SLC24A2: variants seen among roughly 807,000 people sequenced by gnomAD.
The protein encoded by SLC24A2 is solute carrier family 24 member 2.
In SLC24A2, 36 loss-of-function variants were observed where a neutral mutation model predicts 62.0. That is an observed-to-expected ratio of 0.58 (90% CI 0.44 to 0.77). SLC24A2 has a LOEUF of 0.77. Ranked by LOEUF, SLC24A2 falls within the 30% of genes least tolerant of loss-of-function variation. The pLI, the probability that SLC24A2 is intolerant of heterozygous loss-of-function variation, is 0.00. For missense variants in SLC24A2, 846 were observed against 817.9 expected, an observed-to-expected ratio of 1.03 and a Z score of -0.42; for synonymous variants, 358 against 294.0, an observed-to-expected ratio of 1.22 and a Z score of -2.23.
chr9:20,297,577 C>A, the SLC24A2 span, among the ~76,000 whole-genome samples: 4 of 152,326 alleles, frequency 2.6e-5, no homozygotes, highest in African/African-American at 4.8e-5. Context: ...GGGACAGTGA[C>A]AAGTCTGGGA....
chr9:19,656,219 A>G (rs989090897), intron 2 of SLC24A2, among the ~76,000 whole-genome samples: 3 of 152,232 alleles, frequency 2.0e-5, no homozygotes, highest in Non-Finnish European at 4.4e-5. Context: ...AACAGAATAA[A>G]AAGTCTTTGT....
chr9:20,148,908 A>G, the SLC24A2 span, among the ~76,000 whole-genome samples: 2 of 152,234 alleles, frequency 1.3e-5, no homozygotes, highest in East Asian at 3.9e-4. Context: ...GAGAAATTCA[A>G]AACATTTTTT....
chr9:19,771,754 T>C (rs886229698), intron 2 of SLC24A2, among the ~76,000 whole-genome samples: 2 of 152,212 alleles, frequency 1.3e-5, no homozygotes, highest in African/African-American at 2.4e-5. Flanking sequence ...TGCACATTAA[T>C]CAGCTTTGTG....
chr9:20,251,344 T>A, the SLC24A2 span, among the ~76,000 whole-genome samples: 11 of 143,670 alleles, frequency 7.7e-5, no homozygotes, highest in Admixed American at 4.1e-4. Context: ...AATTCCTTCA[T>A]GAGCTTTCTC....
the SLC24A2 span, chr9:19,895,962 G>A: frequency 2.1e-3 from 3,345 of 1,610,500 alleles, 69 homozygotes; most frequent in African/African-American, 0.039. Context: ...GGGAGTCTTG[G>A]AGCATGTAAC....
intron 5 of SLC24A2, among the ~76,000 whole-genome samples, chr9:19,594,583 A>G (rs138368324): frequency 1.3e-3 from 193 of 152,300 alleles, no homozygotes; most frequent in African/African-American, 4.4e-3. Flanking sequence ...AGTTATAAAT[A>G]AGGACTTGTC....
chr9:19,600,856 G>A (rs1836822761), intron 4 of SLC24A2, among the ~76,000 whole-genome samples: 1 of 152,064 alleles, frequency 6.6e-6, no homozygotes, highest in Non-Finnish European at 1.5e-5. Flanking sequence ...GAGAGCGTAG[G>A]ATTGAATATG....
intron 2 of SLC24A2, among the ~76,000 whole-genome samples, chr9:19,636,315 T>TTTTCCTTTCTTTCTTTCTTTCTTTC (rs1564009647): frequency 2.5e-5 from 1 of 40,320 alleles, no homozygotes; most frequent in East Asian, 7.6e-4. Context: ...TTTTCTTTTC[T>TTTTCCTTTCTTTCTTTCTTTCTTTC]TTTCTTTCTT....
the SLC24A2 span, among the ~76,000 whole-genome samples, chr9:20,210,250 G>C: frequency 1.3e-5 from 2 of 152,208 alleles, no homozygotes; most frequent in African/African-American, 4.8e-5. Flanking sequence ...TGGCAGAGAA[G>C]CAGGTGGCCT....
chr9:19,919,265 T>A, the SLC24A2 span, among the ~76,000 whole-genome samples: 2 of 152,042 alleles, frequency 1.3e-5, no homozygotes, highest in African/African-American at 2.4e-5. Flanking sequence ...TAGAGAACAA[T>A]CACCACGAGT....
chr9:19,601,461 C>A (rs1836839084), intron 4 of SLC24A2, among the ~76,000 whole-genome samples: 1 of 152,156 alleles, frequency 6.6e-6, no homozygotes, highest in African/African-American at 2.4e-5. Flanking sequence ...CTTGCTGCTG[C>A]TCATTATTTG....
chr9:19,786,300 A>G lies in SLC24A2; in HGVS notation c.567T>C (p.Leu189=). Residue 189 remains leucine, a synonymous_variant, in exon 2 of 11, where the codon CTT becomes CTC. Coordinates refer to ENST00000341998, the MANE Select transcript of SLC24A2 (RefSeq NM_020344.4). This position sits in a 1 kb window ranked among gnomAD's most constrained non-coding sequence, Gnocchi z 5.0. ...TAAATACCCCTATGAGAGATGTGAA[A>G]AGTTCTGGGGCTGACCCTCCTGCAG... ...FMAAGGSAPE[L]FTSLIGVFIA... 6.2e-7 allele frequency: 1 copy of G among 1,614,142 alleles called. No individual in the cohort carries two copies. The highest frequency in any genetic ancestry group is 8.5e-7 in the Non-Finnish European group (1 of 1,180,032).
the SLC24A2 span, among the ~76,000 whole-genome samples, chr9:20,139,281 C>T: frequency 6.6e-6 from 1 of 152,210 alleles, no homozygotes; most frequent in South Asian, 2.1e-4. Flanking sequence ...AATCCCAGGG[C>T]TACCCCTTAC....
At chr9:19,940,091 G>A in the SLC24A2 span, among the ~76,000 whole-genome samples, 2 of 152,252 alleles carry the variant, frequency 1.3e-5, no homozygotes, top group Non-Finnish European at 2.9e-5. Context: ...CCATGGGGAA[G>A]TGAAAGTGCA....
chr9:19,771,879 T>G (rs541182180), intron 2 of SLC24A2, among the ~76,000 whole-genome samples: 10 of 152,132 alleles, frequency 6.6e-5, no homozygotes, highest in Non-Finnish European at 1.2e-4. Flanking sequence ...TGGATGCAAA[T>G]GTTCCTAGGG....
the SLC24A2 span, among the ~76,000 whole-genome samples, chr9:20,230,415 T>C: frequency 3.9e-5 from 6 of 152,248 alleles, no homozygotes; most frequent in African/African-American, 1.4e-4. Flanking sequence ...GACTTTTTAA[T>C]GATTGCCATT....
At chr9:19,682,808 T>C (rs1322380073) in intron 2 of SLC24A2, among the ~76,000 whole-genome samples, 1 of 152,132 alleles carries the variant, frequency 6.6e-6, no homozygotes, top group Non-Finnish European at 1.5e-5. Context: ...AAGCAAGTTA[T>C]GGAAGAGGTG....
chr9:20,185,938 C>A, the SLC24A2 span, among the ~76,000 whole-genome samples: 3 of 152,160 alleles, frequency 2.0e-5, no homozygotes, highest in Admixed American at 6.6e-5. Context: ...CAGTCCCTCT[C>A]CAAGGTCTCA....
In SLC24A2 at chr9:19,763,453, T is replaced by C. The variant is rs570132976; in HGVS notation, c.930+22484A>G. 1.1e-3 allele frequency among the ~76,000 whole-genome samples: 163 copies of C among 152,306 alleles called. 1 individual carries two copies. The highest frequency in any genetic ancestry group is 3.7e-3 in the African/African-American group (153 of 41,566). On this transcript the variant is annotated intron_variant, in intron 2 of 10. Transcript: ENST00000341998. ...ATTCAGTATGATATTGGCTGTGAGT[T>C]TGTCATAAATAGCTCTTATTATTTT...
Sources: allele counts gnomAD v4.1 joint callset (sites outside exome capture counted in the v4.1 genomes callset), GRCh38; gene constraint gnomAD v4.1.1; non-coding constraint Gnocchi (gnomAD v3.1); transcripts MANE v1.5; gene names NCBI Gene and HGNC (gene_info 2026-07-23, HGNC 2026-07-21).